The following OLFM3 variants were observed in gnomAD, a reference collection of about 807,000 sequenced individuals.
OLFM3 encodes the protein noelin-3.
In OLFM3, 20 loss-of-function variants were observed where a neutral mutation model predicts 48.6. The ratio of observed to expected loss-of-function variants is 0.41; its 90% CI spans 0.29 to 0.60. OLFM3 has a LOEUF of 0.60. Ranked by LOEUF, OLFM3 falls within the 20% of genes least tolerant of loss-of-function variation. The pLI is 0.28. For synonymous variants in OLFM3, 222 were observed against 198.1 expected, an observed-to-expected ratio of 1.12 and a Z score of -1.01; for missense variants, 437 against 544.3, an observed-to-expected ratio of 0.80 and a Z score of 1.96.
intron 1 of OLFM3, among the ~76,000 whole-genome samples, chr1:101,883,711 G>A (rs563917739): frequency 5.3e-5 from 8 of 151,876 alleles, no homozygotes; most frequent in East Asian, 1.9e-4. Flanking sequence ...GAAGTGACAC[G>A]CAATTAACAA....
At chr1:101,949,972 G>A (rs1660080625) in intron 1 of OLFM3, among the ~76,000 whole-genome samples, 1 of 139,636 alleles carries the variant, frequency 7.2e-6, no homozygotes, top group Admixed American at 7.4e-5. Flanking sequence ...AGTTTGCAGT[G>A]AGCCGAGATC....
At chr1:101,852,325 G>T (rs1656253408) in intron 1 of OLFM3, among the ~76,000 whole-genome samples, 1 of 151,996 alleles carries the variant, frequency 6.6e-6, no homozygotes, top group Non-Finnish European at 1.5e-5. Flanking sequence ...CAGGCTACCA[G>T]TTACCCCTAG....
At chr1:101,877,988 C>T (rs551358583) in intron 1 of OLFM3, among the ~76,000 whole-genome samples, 1 of 151,652 alleles carries the variant, frequency 6.6e-6, no homozygotes, top group Admixed American at 6.6e-5. Context: ...ACCTTAGATA[C>T]AGCTCACAAA....
chr1:101,833,680 A>G (rs536758270), intron 2 of OLFM3, among the ~76,000 whole-genome samples: 4 of 152,210 alleles, frequency 2.6e-5, no homozygotes, highest in Non-Finnish European at 4.4e-5. Flanking sequence ...GCTTTTCTGG[A>G]CTTAAACACA....
intron 1 of OLFM3, among the ~76,000 whole-genome samples, chr1:101,873,473 G>A (rs774607546): frequency 1.3e-5 from 2 of 151,786 alleles, no homozygotes; most frequent in Non-Finnish European, 2.9e-5. Flanking sequence ...TATCATGTTA[G>A]TCATTTGTGG....
At chr1:101,817,646 C>T (rs897433393) in intron 4 of OLFM3, among the ~76,000 whole-genome samples, 2 of 113,218 alleles carry the variant, frequency 1.8e-5, no homozygotes, top group African/African-American at 7.2e-5. Context: ...TAATTGTACT[C>T]TGTAATATCC....
intron 1 of OLFM3, among the ~76,000 whole-genome samples, chr1:101,896,722 G>A (rs1301970974): frequency 4.3e-5 from 6 of 138,050 alleles, no homozygotes; most frequent in African/African-American, 1.4e-4. Flanking sequence ...CCGTGGTCTC[G>A]ATCTCCTGAC....
At chr1:101,969,182 C>G (rs559569652) in intron 1 of OLFM3, among the ~76,000 whole-genome samples, 4 of 152,324 alleles carry the variant, frequency 2.6e-5, no homozygotes, top group African/African-American at 9.6e-5. Flanking sequence ...AGGTCTCCCT[C>G]TGTCACCCAG....
chr1:101,948,944 G>A (rs1236590420), intron 1 of OLFM3, among the ~76,000 whole-genome samples: 1 of 149,928 alleles, frequency 6.7e-6, no homozygotes, highest in Non-Finnish European at 1.5e-5. Flanking sequence ...AAAAACAAAA[G>A]CAAGCCTGCC....
chr1:101,877,823 A>G (rs1343755734), intron 1 of OLFM3, among the ~76,000 whole-genome samples: 1 of 151,756 alleles, frequency 6.6e-6, no homozygotes, highest in African/African-American at 2.4e-5. Context: ...AATTTTATTT[A>G]TACAACATAT....
Position 101,981,752 on chromosome 1 carries a change from T to G in OLFM3, c.69+14996A>C, listed in dbSNP as rs1470694942. ...TATTCCCTTCCAGTTGGGAAAATTT[T>G]GGGAATTATTTCCCTGTTAGCTAAT... On this transcript the variant is annotated intron_variant, in intron 1 of 5. Transcript: ENST00000370103. Among the ~76,000 whole-genome samples the G allele has an allele frequency of 3.9e-5, 6 of 152,232 alleles. No homozygotes were observed. In the South Asian group the frequency reaches 8.3e-4, roughly 21 times the overall value.
chr1:101,919,908 T>C (rs1431649794), intron 1 of OLFM3, among the ~76,000 whole-genome samples: 1 of 152,150 alleles, frequency 6.6e-6, no homozygotes, highest in Non-Finnish European at 1.5e-5. Context: ...CAAAACAAAA[T>C]TGCACAAGTA....
intron 1 of OLFM3, among the ~76,000 whole-genome samples, chr1:101,886,745 A>G (rs1443401736): frequency 6.6e-6 from 1 of 152,100 alleles, no homozygotes; most frequent in Non-Finnish European, 1.5e-5. Context: ...ACATCACCAT[A>G]TGAAGACACT....
intron 1 of OLFM3, among the ~76,000 whole-genome samples, chr1:101,867,811 A>G (rs1656916021): frequency 6.6e-6 from 1 of 152,216 alleles, no homozygotes; most frequent in African/African-American, 2.4e-5. Context: ...GTCCCCATCC[A>G]AATCTCATCT....
chr1:101,953,978 G>T (rs1233932612), intron 1 of OLFM3, among the ~76,000 whole-genome samples: 2 of 152,078 alleles, frequency 1.3e-5, no homozygotes, highest in Non-Finnish European at 1.5e-5. Context: ...AGCTAAGAAT[G>T]TAAGGAAAAT....
chr1:101,849,838 T>C (rs1656155300), intron 1 of OLFM3, among the ~76,000 whole-genome samples: 1 of 152,094 alleles, frequency 6.6e-6, no homozygotes, highest in South Asian at 2.1e-4. Context: ...GCGTCAATCA[T>C]CAGAATAAGA....
intron 1 of OLFM3, among the ~76,000 whole-genome samples, chr1:101,941,643 T>C (rs1659798257): frequency 6.6e-6 from 1 of 152,146 alleles, no homozygotes; most frequent in South Asian, 2.1e-4. Context: ...TGTAGAAACA[T>C]TTTAAAGAAT....
intron 1 of OLFM3, among the ~76,000 whole-genome samples, chr1:101,950,735 C>T (rs906526646): frequency 3.3e-5 from 5 of 152,144 alleles, no homozygotes; most frequent in Non-Finnish European, 7.4e-5. Flanking sequence ...TGAGCCATTG[C>T]GCGCGGCCTT....
intron 1 of OLFM3, among the ~76,000 whole-genome samples, chr1:101,898,299 T>C (rs953797249): frequency 1.3e-5 from 2 of 152,204 alleles, no homozygotes; most frequent in East Asian, 1.9e-4. Flanking sequence ...ACTGTGGTTA[T>C]GTAGTAAGGT....
Sources: allele counts gnomAD v4.1 joint callset (sites outside exome capture counted in the v4.1 genomes callset), GRCh38; gene constraint gnomAD v4.1.1; transcripts MANE v1.5; gene names NCBI Gene and HGNC (gene_info 2026-07-23, HGNC 2026-07-21).